The following UBA6 variants were observed in gnomAD, a reference collection of about 807,000 sequenced individuals.
The protein encoded by UBA6 is ubiquitin-like modifier-activating enzyme 6.
UBA6 carries 87 observed loss-of-function variants against 148.3 expected under a neutral mutation model. The ratio of observed to expected loss-of-function variants is 0.59; its 90% CI spans 0.49 to 0.70. UBA6 has a LOEUF of 0.70. Ranked by LOEUF, UBA6 falls within the 30% of genes least tolerant of loss-of-function variation. The probability of loss-of-function intolerance (pLI) is 0.00; values close to 1 mark genes in which losing one functional copy is unlikely to be tolerated. For missense variants in UBA6, 1,186 were observed against 1,241.2 expected (o/e 0.96, Z 0.67); for synonymous variants, 376 against 401.0 (o/e 0.94, Z 0.75).
rs1275193546 is a variant in UBA6 at position 67,696,249 on chromosome 4, A to G, written c.134+396T>C. Among the ~76,000 whole-genome samples, 8 of 152,282 alleles carry G rather than the reference A, an allele frequency of 5.3e-5. No homozygotes were observed. The East Asian group carries it at 1.2e-3, about 22-fold the overall frequency. Reference sequence around the variant, plus strand: ...ATACGTATTATTGTCCAAAAATGAAAGGGTTATTTTGCAAGGGCAGCAAAA... The same window carrying G: ...ATACGTATTATTGTCCAAAAATGAAGGGGTTATTTTGCAAGGGCAGCAAAA... On this transcript the variant is annotated intron_variant, in intron 2 of 32. Coordinates refer to ENST00000322244, the MANE Select transcript of UBA6 (RefSeq NM_018227.6).
At chr4:67,676,452 C>A (rs1344473064) in intron 6 of UBA6, among the ~76,000 whole-genome samples, 1 of 152,202 alleles carries the variant, frequency 6.6e-6, no homozygotes. Flanking sequence ...AAAACCTTTA[C>A]TTTTCATCCA....
intron 8 of UBA6, among the ~76,000 whole-genome samples, chr4:67,668,968 G>C (rs1236735478): frequency 6.6e-6 from 1 of 152,118 alleles, no homozygotes; most frequent in African/African-American, 2.4e-5. Context: ...CATGTAACTT[G>C]TAAAAAACAT....
At chr4:67,674,034 A>C (rs1730216722) in intron 6 of UBA6, among the ~76,000 whole-genome samples, 1 of 152,224 alleles carries the variant, frequency 6.6e-6, no homozygotes, top group Non-Finnish European at 1.5e-5. Context: ...GATTAGAAGC[A>C]AACCTTAATA....
intron 1 of UBA6, among the ~76,000 whole-genome samples, chr4:67,697,128 C>T (rs1043044409): frequency 1.3e-5 from 2 of 152,176 alleles, no homozygotes; most frequent in African/African-American, 4.8e-5. Context: ...GCCTCAGCCT[C>T]CCAAGTGGCT....
intron 2 of UBA6, among the ~76,000 whole-genome samples, chr4:67,688,122 T>C (rs530033775): frequency 3.3e-5 from 5 of 152,318 alleles, no homozygotes; most frequent in African/African-American, 1.2e-4. Flanking sequence ...CCTAGGAATG[T>C]CCTGATTCTG....
At chr4:67,678,629 G>A in intron 4 of UBA6, 96 bp from the exon 5 acceptor site, 1 of 520,450 alleles carries the variant, frequency 1.9e-6, no homozygotes, top group Non-Finnish European at 3.4e-6. Flanking sequence ...ATTATTTTGT[G>A]TAATTAGACA....
intron 19 of UBA6, among the ~76,000 whole-genome samples, chr4:67,637,476 G>A (rs1014536828): frequency 2.6e-5 from 4 of 152,328 alleles, no homozygotes; most frequent in South Asian, 2.1e-4. Flanking sequence ...TGACGATGGC[G>A]GTTTTGTAGA....
intron 13 of UBA6, among the ~76,000 whole-genome samples, chr4:67,649,687 A>G (rs1233305580): frequency 1.3e-5 from 2 of 152,218 alleles, no homozygotes; most frequent in African/African-American, 2.4e-5. Flanking sequence ...ACTGCAATTA[A>G]TAATAACACA....
At chr4:67,619,492 A>G (rs999879686) in intron 32 of UBA6, among the ~76,000 whole-genome samples, 14 of 152,236 alleles carry the variant, frequency 9.2e-5, no homozygotes, top group African/African-American at 3.4e-4. Flanking sequence ...CCTGGCCCAC[A>G]TGGCGAAACC....
In UBA6 at chr4:67,614,458, T is replaced by C. The variant is rs893127192; in HGVS notation, c.*4539A>G. ...TTCATCAACAGATGTTGATGAAATC[T>C]GTATTCACATACGGGTATAATACAT... On this transcript the variant is annotated 3_prime_UTR_variant, in exon 33 of 33. Transcript: ENST00000322244. 1 of 152,204 alleles carries C rather than the reference T, an allele frequency of 6.6e-6. No individual in the cohort carries two copies. Among genetic ancestry groups the C allele is most frequent in the Non-Finnish European group, 1.5e-5 (1 of 68,034 alleles). 9.4% of individuals were successfully genotyped at this position (152,204 alleles called of 1,614,324 possible). A position where few individuals can be genotyped will look rare whatever the true frequency, so the allele number is the denominator to read the frequency against.
intron 2 of UBA6, among the ~76,000 whole-genome samples, chr4:67,694,522 G>A (rs1310647942): frequency 6.6e-6 from 1 of 151,402 alleles, no homozygotes; most frequent in African/African-American, 2.4e-5. Context: ...CTCCCGACTA[G>A]CTGGGATTAC....
intron 8 of UBA6, among the ~76,000 whole-genome samples, chr4:67,669,936 G>A (rs1730099711): frequency 6.8e-6 from 1 of 147,640 alleles, no homozygotes; most frequent in Non-Finnish European, 1.5e-5. Flanking sequence ...GCTCTATCAA[G>A]TATTATTATT....
chr4:67,664,222 A>G (rs1285503533), intron 10 of UBA6, among the ~76,000 whole-genome samples: 1 of 152,120 alleles, frequency 6.6e-6, no homozygotes, highest in Non-Finnish European at 1.5e-5. Flanking sequence ...AAAATTTATT[A>G]TTTTAATCTA....
At chr4:67,657,100 T>C (rs996636019) in intron 13 of UBA6, among the ~76,000 whole-genome samples, 6 of 152,122 alleles carry the variant, frequency 3.9e-5, no homozygotes, top group African/African-American at 1.4e-4. Flanking sequence ...AAAACGCCCA[T>C]ACTGCCCAAG....
rs1729432377 is a variant in UBA6, at chr4:67,646,861, T to TA, written c.1249-71dup. The TA allele has an allele frequency of 6.5e-6, 6 of 928,448 alleles. No individual in the cohort carries two copies. The South Asian group carries it at 1.4e-4, about 22-fold the overall frequency. 57.5% of individuals were successfully genotyped at this position (928,448 alleles called of 1,614,324 possible). On this transcript the variant is annotated intron_variant, in intron 14 of 32. Transcript: ENST00000322244. ...ATTACTATAAAAAGAAGCTCCTTTA[T>TA]AGTTATTTAATAGTCATGAAGAAAA...
intron 19 of UBA6, among the ~76,000 whole-genome samples, chr4:67,637,670 G>A (rs1036534975): frequency 1.2e-4 from 18 of 152,218 alleles, no homozygotes; most frequent in Non-Finnish European, 2.1e-4. Flanking sequence ...AACGTGTGCT[G>A]TGTCCACTCA....
Position 67,681,608 on chromosome 4 carries a change from A to G in UBA6, c.230-17T>C, listed in dbSNP as rs540746466. 27 of 1,573,700 alleles carry G rather than the reference A, an allele frequency of 1.7e-5. 2 individuals are homozygous for G. The South Asian group carries it at 3.0e-4, about 17-fold the overall frequency. On this transcript the variant is annotated splice_polypyrimidine_tract_variant and intron_variant, in intron 3 of 32. Coordinates refer to ENST00000322244, the MANE Select transcript of UBA6 (RefSeq NM_018227.6). Reference sequence around the variant, plus strand: ...GATTCTTTGCTAGAAAGGCAAAAGAAAAAGGAATAGCTCAATATTGGGAAT... The same window carrying G: ...GATTCTTTGCTAGAAAGGCAAAAGAGAAAGGAATAGCTCAATATTGGGAAT...
intron 28 of UBA6, among the ~76,000 whole-genome samples, chr4:67,625,917 A>C (rs1212797003): frequency 6.6e-6 from 1 of 151,958 alleles, no homozygotes; most frequent in Non-Finnish European, 1.5e-5. Flanking sequence ...TTATGAACCT[A>C]ATTACTAAAG....
chr4:67,632,744 C>T (rs1268492059), intron 23 of UBA6, among the ~76,000 whole-genome samples: 1 of 152,050 alleles, frequency 6.6e-6, no homozygotes, highest in East Asian at 1.9e-4. Flanking sequence ...CATGCAGCCT[C>T]AGCTACTTAA....
Sources: gnomAD v4.1 joint callset for allele counts (sites outside exome capture counted in the v4.1 genomes callset) on GRCh38, gnomAD v4.1.1 for gene constraint, MANE v1.5 for transcripts, NCBI Gene and HGNC (gene_info 2026-07-23, HGNC 2026-07-21) for gene names.